DDR2: variants seen among roughly 807,000 people sequenced by gnomAD.
DDR2 encodes discoidin domain receptor tyrosine kinase 2.
Under a neutral mutation model 94.9 loss-of-function variants are expected in DDR2, and 27 were observed. The ratio of observed to expected loss-of-function variants is 0.28; its 90% confidence interval spans 0.21 to 0.39. The LOEUF (loss-of-function observed/expected upper bound fraction) is 0.39. DDR2 is among the 10% of genes least tolerant of loss of function. The pLI, the probability that DDR2 is intolerant of heterozygous loss-of-function variation, is 1.00. For missense variants in DDR2, 783 were observed against 1,076.0 expected, an observed-to-expected ratio of 0.73 and a Z score of 3.81; for synonymous variants, 382 against 377.2, an observed-to-expected ratio of 1.01 and a Z score of -0.15.
chr1:162,775,869 C>T (rs2102197001), intron 15 of DDR2, 26 bp downstream of exon 15: 3 of 1,613,288 alleles, frequency 1.9e-6, no homozygotes, highest in South Asian at 2.2e-5. Flanking sequence ...CTTCCTTCTC[C>T]TCCCTGTGGT....
chr1:162,663,297 G>T (rs1658397222), intron 2 of DDR2, among the ~76,000 whole-genome samples: 2 of 152,146 alleles, frequency 1.3e-5, no homozygotes, highest in African/African-American at 2.4e-5. Flanking sequence ...CACTTTTCAT[G>T]TGTCTGTTTT....
intron 2 of DDR2, among the ~76,000 whole-genome samples, chr1:162,713,862 G>A (rs527934039): frequency 6.6e-6 from 1 of 152,160 alleles, no homozygotes; most frequent in African/African-American, 2.4e-5. Context: ...AAGAATAAAT[G>A]GGATATAGAA....
At chr1:162,638,351 C>G (rs1397229699) in intron 1 of DDR2, among the ~76,000 whole-genome samples, 2 of 152,156 alleles carry the variant, frequency 1.3e-5, no homozygotes, top group Non-Finnish European at 2.9e-5. Context: ...TCACCATTGT[C>G]TTTGTTGCCA....
At chr1:162,761,153 T>C in intron 8 of DDR2, 58 bp from the exon 9 acceptor site, 1 of 1,611,880 alleles carries the variant, frequency 6.2e-7, no homozygotes, top group Non-Finnish European at 8.5e-7. Flanking sequence ...GCTGGCACTG[T>C]GTCTCCATGC....
intron 3 of DDR2, among the ~76,000 whole-genome samples, chr1:162,737,516 C>A (rs1198217677): frequency 1.3e-4 from 18 of 134,928 alleles, no homozygotes; most frequent in Non-Finnish European, 2.7e-4. Context: ...GCATAGTATT[C>A]CATGGTGTAT....
At chr1:162,730,381 C>T (rs1305132103) in intron 3 of DDR2, among the ~76,000 whole-genome samples, 7 of 151,968 alleles carry the variant, frequency 4.6e-5, no homozygotes, top group African/African-American at 1.7e-4. Context: ...AGGCTACAAG[C>T]GGAGCATTTT....
At chr1:162,631,829 C>T (rs551971657), upstream of DDR2, among the ~76,000 whole-genome samples, 2 of 152,002 alleles carry the variant, frequency 1.3e-5, no homozygotes, top group South Asian at 2.1e-4. Context: ...GAATCCAGGA[C>T]AGCAACAGAC....
intron 3 of DDR2, among the ~76,000 whole-genome samples, chr1:162,729,660 T>A (rs1291573139): frequency 6.6e-6 from 1 of 151,400 alleles, no homozygotes; most frequent in Non-Finnish European, 1.5e-5. Context: ...AACAAATGTT[T>A]GATGAATAAG....
chr1:162,652,605 A>G (rs1657758523), intron 1 of DDR2, among the ~76,000 whole-genome samples: 1 of 152,246 alleles, frequency 6.6e-6, no homozygotes, highest in South Asian at 2.1e-4. Context: ...GTTCACAGAC[A>G]ATAAGGAGAG....
At chr1:162,694,104 G>A (rs570668580) in intron 2 of DDR2, among the ~76,000 whole-genome samples, 9 of 152,186 alleles carry the variant, frequency 5.9e-5, no homozygotes, top group African/African-American at 2.2e-4. Context: ...TCAAACTCCT[G>A]GTTTGTCTCC....
rs1028122344 is a variant in DDR2 at position 162,785,684 on chromosome 1, C to T, written c.*5438C>T. ...TAAGATAGAAACAAAAACTTCTCAT[C>T]CAGTTAACTAGAGTGAATGTAGGGA... On this transcript the variant is annotated 3_prime_UTR_variant, in exon 18 of 18. Coordinates refer to ENST00000367921, the MANE Select transcript of DDR2 (RefSeq NM_006182.4). The T allele has an allele frequency of 3.9e-5, 6 of 152,120 alleles. No homozygotes were observed. The highest frequency in any genetic ancestry group is 5.9e-5 in the Non-Finnish European group (4 of 68,022). 9.4% of individuals were successfully genotyped at this position (152,120 alleles called of 1,614,324 possible).
intron 1 of DDR2, among the ~76,000 whole-genome samples, chr1:162,643,085 A>G (rs1258621908): frequency 2.0e-5 from 3 of 152,136 alleles, no homozygotes; most frequent in Non-Finnish European, 1.5e-5. Flanking sequence ...CAGTTTAAAG[A>G]GGATTGATGG....
intron 3 of DDR2, among the ~76,000 whole-genome samples, chr1:162,730,452 T>C (rs1661985673): frequency 6.6e-6 from 1 of 152,216 alleles, no homozygotes; most frequent in East Asian, 1.9e-4. Flanking sequence ...AAATATCTTA[T>C]GATTGGCATT....
chr1:162,733,556 A>G (rs1662158650), intron 3 of DDR2, among the ~76,000 whole-genome samples: 1 of 152,178 alleles, frequency 6.6e-6, no homozygotes, highest in Admixed American at 6.5e-5. Flanking sequence ...CTAAGTTCTT[A>G]TCTCTGAATT....
Position 162,753,362 on chromosome 1 carries a change from G to A in DDR2, c.185+165G>A, listed in dbSNP as rs1199713535. Among the ~76,000 whole-genome samples the A allele has an allele frequency of 4.6e-5, 7 of 152,324 alleles. No individual in the cohort carries two copies. In the East Asian group the frequency reaches 1.4e-3, roughly 29 times the overall value. Reference sequence around the variant, plus strand: ...CCTGTCCTGCTCTGTATGTTTTCAGGGAGAGAATTTAGGACTTAGCCACAT... The same window carrying A: ...CCTGTCCTGCTCTGTATGTTTTCAGAGAGAGAATTTAGGACTTAGCCACAT... On this transcript the variant is annotated intron_variant, in intron 4 of 17. Transcript: ENST00000367921.
At chr1:162,739,196 C>T (rs1407881288) in intron 3 of DDR2, among the ~76,000 whole-genome samples, 5 of 141,208 alleles carry the variant, frequency 3.5e-5, no homozygotes, top group South Asian at 2.5e-4. Flanking sequence ...AGAAAATTTT[C>T]GCAACCTACT....
intron 3 of DDR2, among the ~76,000 whole-genome samples, chr1:162,728,146 A>G (rs962996130): frequency 4.8e-5 from 7 of 145,388 alleles, no homozygotes; most frequent in Non-Finnish European, 1.1e-4. Flanking sequence ...ATCTATATAT[A>G]GATATATCTA....
intron 6 of DDR2, 62 bp from the exon 7 acceptor site, chr1:162,755,602 A>G (rs1339942253): frequency 2.2e-5 from 33 of 1,472,796 alleles, no homozygotes; most frequent in Admixed American, 8.4e-5. Flanking sequence ...TGAAACTCAC[A>G]TAGTTCCCTG....
chr1:162,680,652 A>C (rs1003204839), intron 2 of DDR2, among the ~76,000 whole-genome samples: 1 of 152,190 alleles, frequency 6.6e-6, no homozygotes, highest in Non-Finnish European at 1.5e-5. Context: ...TTGGAATGGC[A>C]TTTAGGATTC....
Sources: allele counts gnomAD v4.1 joint callset (sites outside exome capture counted in the v4.1 genomes callset), GRCh38; gene constraint gnomAD v4.1.1; transcripts MANE v1.5; gene names NCBI Gene and HGNC (gene_info 2026-07-23, HGNC 2026-07-21).